Variants in ADAMTS2 observed in about 807,000 individuals in gnomAD.
The protein encoded by ADAMTS2 is ADAM metallopeptidase with thrombospondin type 1 motif 2.
Under a neutral mutation model 123.0 loss-of-function variants are expected in ADAMTS2, and 50 were observed. That is an observed-to-expected ratio of 0.41 (90% CI 0.32 to 0.51). The LOEUF (loss-of-function observed/expected upper bound fraction) is 0.51, where lower values mean the gene tolerates loss of function less well. Ranked by LOEUF, ADAMTS2 falls within the 20% of genes least tolerant of loss-of-function variation. The pLI is 0.35. For missense variants in ADAMTS2, 1,494 were observed against 1,705.2 expected (o/e 0.88, Z 2.18); for synonymous variants, 678 against 695.4 (o/e 0.98, Z 0.39).
At chr5:179,323,171 G>C (rs1757232505) in intron 2 of ADAMTS2, among the ~76,000 whole-genome samples, 1 of 152,250 alleles carries the variant, frequency 6.6e-6, no homozygotes, top group Admixed American at 6.5e-5. Flanking sequence ...CAGTGTCAGG[G>C]AGCAGGTCTG....
At chr5:179,207,410 C>A in intron 4 of ADAMTS2, 103 bp downstream of exon 4, 1 of 1,239,750 alleles carries the variant, frequency 8.1e-7, no homozygotes, top group Non-Finnish European at 1.2e-6. Flanking sequence ...ACAAGGAAAT[C>A]GGCAGAGCCT....
chr5:179,153,697 C>A, intron 8 of ADAMTS2, 74 bp from the exon 9 acceptor site: 1 of 1,532,054 alleles, frequency 6.5e-7, no homozygotes, highest in Non-Finnish European at 8.8e-7. Context: ...GCAGCTGAGG[C>A]CCCTGCTGGA....
chr5:179,326,201 CGTGTGTGT>C lies in ADAMTS2; in HGVS notation c.534+17558_534+17565del, dbSNP rs60626964. 9.5e-4 allele frequency among the ~76,000 whole-genome samples: 141 copies of C among 148,696 alleles called. 5 individuals carry two copies. The East Asian group carries it at 0.019, about 20-fold the overall frequency. The stretch of plus-strand genomic sequence containing the variant: ...GGTGGAGAAATGGCGTTTGTGTGTG[CGTGTGTGT>C]GTGTGTGTGTGTGTGTGTGTGTCCA... On this transcript the variant is annotated intron_variant, in intron 2 of 21. Coordinates refer to ENST00000251582, the MANE Select transcript of ADAMTS2 (RefSeq NM_014244.5).
chr5:179,272,306 C>CAA lies in ADAMTS2; in HGVS notation c.688+604_688+605insTT, dbSNP rs1304112535. Among the ~76,000 whole-genome samples the CAA allele has an allele frequency of 2.0e-5, 3 of 152,204 alleles. No homozygotes were observed. Among genetic ancestry groups the CAA allele is most frequent in the African/African-American group, 7.2e-5 (3 of 41,468 alleles). ...CACGTGGGTTCTGAGTTGAAAAAGACAGACGCCCATGAGTCTGTGCAGAGA... is the reference window on the plus strand; with the variant it reads ...CACGTGGGTTCTGAGTTGAAAAAGACAAAGACGCCCATGAGTCTGTGCAGAGA... On this transcript the variant is annotated intron_variant, in intron 3 of 21. Transcript: ENST00000251582. This position sits in a 1 kb window ranked among gnomAD's most constrained non-coding sequence, Gnocchi z 5.8.
chr5:179,224,400 C>T (rs754015166), intron 3 of ADAMTS2, among the ~76,000 whole-genome samples: 6 of 152,212 alleles, frequency 3.9e-5, no homozygotes, highest in Non-Finnish European at 7.3e-5. Context: ...CTAGGCTGGG[C>T]GTGTTTCCCG....
At chr5:179,212,176 C>A (rs11750433) in intron 3 of ADAMTS2, among the ~76,000 whole-genome samples, 1 of 146,262 alleles carries the variant, frequency 6.8e-6, no homozygotes, top group African/African-American at 2.5e-5. Context: ...TGGGATGGTG[C>A]GGGCTCTGAG....
At chr5:179,246,653 G>A (rs1765806908) in intron 3 of ADAMTS2, among the ~76,000 whole-genome samples, 1 of 152,188 alleles carries the variant, frequency 6.6e-6, no homozygotes, top group African/African-American at 2.4e-5. Context: ...CAAGTAGGAA[G>A]TGAAGGCTAA....
rs745450151 is a variant in ADAMTS2 at position 179,127,949 on chromosome 5, A to AC, written c.2617+9dup. 28 of 1,609,952 alleles carry AC rather than the reference A, an allele frequency of 1.7e-5. No individual in the cohort carries two copies. In the African/African-American group the frequency reaches 3.4e-4, roughly 20 times the overall value. ...TGTCACCCAGGTCCCCAGCTTCGAG[A>AC]CCCCCTCACCTCCGCCACAGGGCTT... On this transcript the variant is annotated intron_variant, in intron 17 of 21. Coordinates refer to ENST00000251582, the MANE Select transcript of ADAMTS2 (RefSeq NM_014244.5).
At chr5:179,157,669 C>A (rs966848209) in intron 6 of ADAMTS2, among the ~76,000 whole-genome samples, 4 of 152,152 alleles carry the variant, frequency 2.6e-5, no homozygotes, top group Non-Finnish European at 5.9e-5. Flanking sequence ...CCATGCCCAG[C>A]CTCATTGTTT....
chr5:179,325,884 G>A (rs934883824), intron 2 of ADAMTS2, among the ~76,000 whole-genome samples: 4 of 152,264 alleles, frequency 2.6e-5, no homozygotes, highest in Admixed American at 6.5e-5. Flanking sequence ...GGCACCAGCT[G>A]CACAGGTGTG....
chr5:179,343,720 C>A, intron 2 of ADAMTS2, 47 bp downstream of exon 2: 1 of 1,591,740 alleles, frequency 6.3e-7, no homozygotes, highest in East Asian at 2.3e-5. Context: ...TTCCAAAACC[C>A]AGGCGAGAGC....
chr5:179,160,157 T>C lies in ADAMTS2; in HGVS notation c.976-1278A>G, dbSNP rs377213525. Among the ~76,000 whole-genome samples, 4 of 152,284 alleles carry C rather than the reference T, an allele frequency of 2.6e-5. No homozygotes were observed. The South Asian group carries it at 8.3e-4, about 32-fold the overall frequency. On this transcript the variant is annotated intron_variant, in intron 5 of 21. Transcript: ENST00000251582. Reference sequence around the variant, plus strand: ...GTAGAGCCACGTATTTCTCTTTGTGTCTATAAATAACAAAAAGTTGGCCGT... The same window carrying C: ...GTAGAGCCACGTATTTCTCTTTGTGCCTATAAATAACAAAAAGTTGGCCGT...
In ADAMTS2 at chr5:179,301,508, G is replaced by A. The variant is rs145416015; in HGVS notation, c.535-28444C>T. 3.0e-3 allele frequency among the ~76,000 whole-genome samples: 456 copies of A among 152,328 alleles called. 4 individuals are homozygous for A. The highest frequency in any genetic ancestry group is 0.01 in the African/African-American group (431 of 41,576). ...TAGACAGCTAATGAGTGGTGGATCC[G>A]GATCTGCTCGCACAGGGCTGGGCTC... On this transcript the variant is annotated intron_variant, in intron 2 of 21. Coordinates refer to ENST00000251582, the MANE Select transcript of ADAMTS2 (RefSeq NM_014244.5).
At chr5:179,138,846 G>T (rs538335655) in intron 11 of ADAMTS2, among the ~76,000 whole-genome samples, 1 of 152,222 alleles carries the variant, frequency 6.6e-6, no homozygotes, top group African/African-American at 2.4e-5. Context: ...AGAGCAGCCC[G>T]AGTGAACAGG....
At chr5:179,149,778 A>G (rs1483428640) in intron 10 of ADAMTS2, among the ~76,000 whole-genome samples, 1 of 152,082 alleles carries the variant, frequency 6.6e-6, no homozygotes, top group Non-Finnish European at 1.5e-5. Context: ...CGTTCCCCCA[A>G]CATCCCCACA....
intron 2 of ADAMTS2, among the ~76,000 whole-genome samples, chr5:179,328,179 C>T (rs1013227231): frequency 2.6e-5 from 4 of 152,252 alleles, no homozygotes; most frequent in Non-Finnish European, 5.9e-5. Context: ...ACTACAGGCG[C>T]GCACCACCAC....
At chr5:179,126,233 TCA>T in intron 17 of ADAMTS2, 103 bp from the exon 18 acceptor site, 6 of 1,517,700 alleles carry the variant, frequency 4.0e-6, no homozygotes, top group Non-Finnish European at 3.6e-6. Flanking sequence ...GTTTTCCTGC[TCA>T]CCCTTGTGAT....
chr5:179,167,849 C>T (rs1426964674), intron 5 of ADAMTS2, among the ~76,000 whole-genome samples: 2 of 152,222 alleles, frequency 1.3e-5, no homozygotes, highest in Non-Finnish European at 2.9e-5. Flanking sequence ...GTGCAGTCAG[C>T]GCCCACAAAT....
chr5:179,308,263 T>G lies in ADAMTS2; in HGVS notation c.535-35199A>C, dbSNP rs1756730892. ...GGCGCTGAGAGTTGTCTGACACAAT[T>G]GTCTTAGCAGCAGGAGACGCTGATG... On this transcript the variant is annotated intron_variant, in intron 2 of 21. Coordinates refer to ENST00000251582, the MANE Select transcript of ADAMTS2 (RefSeq NM_014244.5). This position sits in a 1 kb window ranked among gnomAD's most constrained non-coding sequence, Gnocchi z 6.6. Among the ~76,000 whole-genome samples, 1 of 152,144 alleles carries G rather than the reference T, an allele frequency of 6.6e-6. No individual in the cohort carries two copies. Among genetic ancestry groups the G allele is most frequent in the South Asian group, 2.1e-4 (1 of 4,826 alleles).
Sources: gnomAD v4.1 joint callset for allele counts (sites outside exome capture counted in the v4.1 genomes callset) on GRCh38, gnomAD v4.1.1 for gene constraint, Gnocchi (gnomAD v3.1) non-coding constraint, MANE v1.5 for transcripts, NCBI Gene and HGNC (gene_info 2026-07-23, HGNC 2026-07-21) for gene names.